Variants in SPOCK3 observed in about 807,000 individuals in gnomAD.
SPOCK3 encodes the protein SPARC (osteonectin), cwcv and kazal like domains proteoglycan 3.
SPOCK3 carries 30 observed loss-of-function variants against 56.6 expected under a neutral mutation model. The ratio of observed to expected loss-of-function variants is 0.53; its 90% CI spans 0.40 to 0.72. SPOCK3 has a LOEUF of 0.72. SPOCK3 is among the 30% of genes least tolerant of loss of function. The pLI is 0.00. For synonymous variants in SPOCK3, 196 were observed against 183.3 expected, an observed-to-expected ratio of 1.07 and a Z score of -0.56; for missense variants, 527 against 530.0, an observed-to-expected ratio of 0.99 and a Z score of 0.06.
intron 2 of SPOCK3, among the ~76,000 whole-genome samples, chr4:167,173,250 T>C (rs1424669208): frequency 1.3e-5 from 2 of 152,154 alleles, no homozygotes; most frequent in Non-Finnish European, 2.9e-5. Flanking sequence ...ATCTCTGTAT[T>C]TTTACTTTTC....
At chr4:166,854,503 T>G (rs1730457278) in intron 6 of SPOCK3, among the ~76,000 whole-genome samples, 1 of 152,202 alleles carries the variant, frequency 6.6e-6, no homozygotes, top group African/African-American at 2.4e-5. Flanking sequence ...TTTGTAAAAA[T>G]GTACAGCCTC....
chr4:166,831,101 ATT>A (rs2126794069), intron 6 of SPOCK3, among the ~76,000 whole-genome samples: 2 of 152,314 alleles, frequency 1.3e-5, no homozygotes, highest in South Asian at 4.1e-4. Flanking sequence ...AGGAATTTTA[ATT>A]TGTTATCGTG....
chr4:167,039,520 T>A (rs1278636717), intron 3 of SPOCK3, among the ~76,000 whole-genome samples: 1 of 152,156 alleles, frequency 6.6e-6, no homozygotes, highest in Non-Finnish European at 1.5e-5. Context: ...TATATATGTG[T>A]GTGTCTATAC....
chr4:166,981,395 A>G (rs1056672661), intron 4 of SPOCK3, among the ~76,000 whole-genome samples: 2 of 150,970 alleles, frequency 1.3e-5, no homozygotes, highest in African/African-American at 4.9e-5. Context: ...GGAGATCCCA[A>G]TGAGTGTCCA....
At position 167,053,730 on chromosome 4, in the gene SPOCK3, A is replaced by T. The variant is rs182217208; in HGVS notation, c.235+8762T>A. Among the ~76,000 whole-genome samples the T allele has an allele frequency of 2.0e-5, 3 of 152,162 alleles. No individual in the cohort carries two copies. The East Asian group carries it at 5.8e-4, about 29-fold the overall frequency. ...ACAAATAAATAAAAAAAAGAGAATT[A>T]ACTGCAATCTAATGAACCAGTAGAT... On this transcript the variant is annotated intron_variant, in intron 3 of 10. Transcript: ENST00000357545.
intron 4 of SPOCK3, among the ~76,000 whole-genome samples, chr4:166,938,658 G>A (rs1291547463): frequency 6.6e-6 from 1 of 151,122 alleles, no homozygotes; most frequent in Non-Finnish European, 1.5e-5. Flanking sequence ...ACAGGAGACA[G>A]GAAAAAAAGA....
intron 6 of SPOCK3, among the ~76,000 whole-genome samples, chr4:166,811,316 C>CTT (rs748601791): frequency 6.1e-5 from 9 of 147,186 alleles, no homozygotes; most frequent in Admixed American, 6.8e-5. Flanking sequence ...CTCTACTCTT[C>CTT]TTTTTTTTTT....
intron 3 of SPOCK3, among the ~76,000 whole-genome samples, chr4:167,032,521 G>A (rs1026486508): frequency 2.6e-5 from 4 of 151,902 alleles, no homozygotes; most frequent in Admixed American, 6.6e-5. Context: ...TAATGGATTT[G>A]TGCAATTCCT....
In SPOCK3 at chr4:167,164,049, G is replaced by T. The variant is rs1000791265; in HGVS notation, c.189+69936C>A. On this transcript the variant is annotated intron_variant, in intron 2 of 10. Coordinates refer to ENST00000357545, the MANE Select transcript of SPOCK3 (RefSeq NM_001040159.2). ...AAAAAATACAATCCTAGGATTTAAG[G>T]TTAAAATTTCCAGATCTCATTTTCT... Among the ~76,000 whole-genome samples the T allele has an allele frequency of 2.0e-5, 3 of 152,004 alleles. No homozygotes were observed. The East Asian group carries it at 5.8e-4, about 29-fold the overall frequency.
chr4:166,785,633 C>T (rs1740652275), intron 7 of SPOCK3, among the ~76,000 whole-genome samples: 1 of 148,548 alleles, frequency 6.7e-6, no homozygotes, highest in Non-Finnish European at 1.5e-5. Flanking sequence ...GTATGTGAAG[C>T]TAGAAAATCC....
At chr4:166,748,320 GAA>G (rs1735921791) in intron 8 of SPOCK3, among the ~76,000 whole-genome samples, 1 of 137,028 alleles carries the variant, frequency 7.3e-6, no homozygotes, top group African/African-American at 3.1e-5. Flanking sequence ...AGAGCCCTCA[GAA>G]ATAATACCAC....
chr4:166,948,324 G>A (rs1034925871), intron 4 of SPOCK3, among the ~76,000 whole-genome samples: 5 of 152,218 alleles, frequency 3.3e-5, no homozygotes, highest in African/African-American at 1.2e-4. Context: ...AAACATGGGA[G>A]TGCAGACATT....
chr4:166,860,835 A>ATATATATGT, intron 6 of SPOCK3, among the ~76,000 whole-genome samples: 1 of 119,820 alleles, frequency 8.3e-6, no homozygotes, highest in Admixed American at 8.2e-5. Flanking sequence ...ATATATGCAT[A>ATATATATGT]AAATATAACT....
intron 6 of SPOCK3, among the ~76,000 whole-genome samples, chr4:166,826,605 T>G (rs951270921): frequency 3.3e-5 from 5 of 152,144 alleles, no homozygotes. Flanking sequence ...AGCCATGAAC[T>G]TAATAGGCCA....
intron 2 of SPOCK3, among the ~76,000 whole-genome samples, chr4:167,149,063 T>C (rs1764199462): frequency 6.6e-6 from 1 of 152,144 alleles, no homozygotes; most frequent in African/African-American, 2.4e-5. Flanking sequence ...TCACTGAGCA[T>C]TAATAATGCA....
chr4:166,814,362 G>A (rs987781680), intron 6 of SPOCK3, among the ~76,000 whole-genome samples: 1 of 152,026 alleles, frequency 6.6e-6, no homozygotes, highest in African/African-American at 2.4e-5. Flanking sequence ...ATTGTTTTTA[G>A]GTGTGTCCAT....
At chr4:166,743,857 T>C (rs1735201479) in intron 8 of SPOCK3, among the ~76,000 whole-genome samples, 1 of 152,180 alleles carries the variant, frequency 6.6e-6, no homozygotes, top group South Asian at 2.1e-4. Flanking sequence ...TGCTCACTGC[T>C]AGCACAGCAG....
At chr4:167,147,336 G>T (rs980863299) in intron 2 of SPOCK3, among the ~76,000 whole-genome samples, 2 of 152,072 alleles carry the variant, frequency 1.3e-5, no homozygotes, top group Non-Finnish European at 2.9e-5. Context: ...ACCAAAAAAA[G>T]TCCAGGACCA....
chr4:167,059,644 A>G (rs562749779), intron 3 of SPOCK3, among the ~76,000 whole-genome samples: 1 of 152,184 alleles, frequency 6.6e-6, no homozygotes, highest in Admixed American at 6.5e-5. Flanking sequence ...CAGCCATCCC[A>G]TTACTGGGTA....
Sources: gnomAD v4.1 joint callset for allele counts (sites outside exome capture counted in the v4.1 genomes callset) on GRCh38, gnomAD v4.1.1 for gene constraint, MANE v1.5 for transcripts, NCBI Gene and HGNC (gene_info 2026-07-23, HGNC 2026-07-21) for gene names.